Variants in MEGF11 observed in about 807,000 individuals in gnomAD.
MEGF11 encodes multiple epidermal growth factor-like domains protein 11.
A neutral mutation model predicts 146.6 loss-of-function variants in MEGF11; 126 were observed. The ratio of observed to expected loss-of-function variants is 0.86; its 90% confidence interval spans 0.74 to 1.00. The LOEUF is 1.00. MEGF11 is among the 50% of genes least tolerant of loss of function. MEGF11 has a pLI of 0.00. For missense variants in MEGF11, 1,509 were observed against 1,521.2 expected (o/e 0.99, Z 0.13); for synonymous variants, 532 against 583.4 (o/e 0.91, Z 1.27).
chr15:66,106,532 G>A (rs796097504), intron 4 of MEGF11, among the ~76,000 whole-genome samples: 24 of 152,278 alleles, frequency 1.6e-4, no homozygotes, highest in African/African-American at 5.8e-4. Flanking sequence ...CCACAAGGAA[G>A]GTACTATTTC....
chr15:66,083,759 T>A (rs372379996), intron 5 of MEGF11, among the ~76,000 whole-genome samples: 3 of 151,774 alleles, frequency 2.0e-5, no homozygotes, highest in Admixed American at 6.6e-5. Context: ...ACGAAAAAAA[T>A]TTAAAAAATT....
chr15:66,182,056 C>A (rs1356547384), intron 1 of MEGF11, among the ~76,000 whole-genome samples: 1 of 152,198 alleles, frequency 6.6e-6, no homozygotes, highest in African/African-American at 2.4e-5. Flanking sequence ...GGGCGGCCCC[C>A]TCCCTCACAG....
chr15:66,211,146 C>G (rs965435257), intron 1 of MEGF11, among the ~76,000 whole-genome samples: 2 of 152,214 alleles, frequency 1.3e-5, no homozygotes, highest in Non-Finnish European at 2.9e-5. Flanking sequence ...CACCTCCATT[C>G]CCCTGGAGGT....
intron 5 of MEGF11, among the ~76,000 whole-genome samples, chr15:66,077,780 G>C (rs1214772328): frequency 6.6e-6 from 1 of 152,224 alleles, no homozygotes; most frequent in Non-Finnish European, 1.5e-5. Context: ...AGGCCCCTGG[G>C]AATCAGGGAA....
chr15:65,960,144 G>GAAAACGATATAGACATCGAC (rs2080807386), intron 9 of MEGF11, among the ~76,000 whole-genome samples: 1 of 152,182 alleles, frequency 6.6e-6, no homozygotes, highest in South Asian at 2.1e-4. Context: ...TCTAAAATAT[G>GAAAACGATATAGACATCGAC]AAAACGATAT....
chr15:66,006,525 A>C (rs2082525623), intron 5 of MEGF11, among the ~76,000 whole-genome samples: 1 of 152,162 alleles, frequency 6.6e-6, no homozygotes, highest in Non-Finnish European at 1.5e-5. Context: ...TGACTTATAC[A>C]TGGTGGGCCC....
At chr15:66,084,539 C>G (rs1056371386) in intron 5 of MEGF11, among the ~76,000 whole-genome samples, 6 of 152,168 alleles carry the variant, frequency 3.9e-5, no homozygotes, top group African/African-American at 1.2e-4. Flanking sequence ...ACACACCCCC[C>G]CACTGGAGAG....
intron 4 of MEGF11, among the ~76,000 whole-genome samples, chr15:66,110,695 C>T (rs72744427): frequency 0.053 from 8,010 of 152,256 alleles, 313 homozygotes; most frequent in South Asian, 0.15. Context: ...AGAGTGGTGT[C>T]AACACTGTTT....
intron 4 of MEGF11, among the ~76,000 whole-genome samples, chr15:66,107,888 T>C (rs954377743): frequency 2.0e-5 from 3 of 152,198 alleles, no homozygotes; most frequent in Middle Eastern, 3.4e-3. Flanking sequence ...CAGGAGCTCA[T>C]GGCCAGTGAG....
At chr15:66,202,255 CCACACAGGCAGCCA>C (rs2091182431) in intron 1 of MEGF11, among the ~76,000 whole-genome samples, 1 of 152,220 alleles carries the variant, frequency 6.6e-6, no homozygotes, top group East Asian at 1.9e-4. Context: ...CGTACACACA[CCACACAGGCAGCCA>C]CCAGCCATTA....
In MEGF11 at chr15:65,934,731, A is replaced by G. The variant is rs1399270891; in HGVS notation, c.1288-3788T>C. Among the ~76,000 whole-genome samples the G allele has an allele frequency of 5.3e-5, 8 of 152,298 alleles. No individual in the cohort carries two copies. The South Asian group carries it at 6.2e-4, about 12-fold the overall frequency. On this transcript the variant is annotated intron_variant, in intron 10 of 25. Transcript: ENST00000395614. ...TCACCAAAGGCCAGCAATGTAATCA[A>G]TGATTCCCATGTAACGAAGTCTCCA... is the stretch of plus-strand genomic sequence containing the variant.
chr15:66,239,578 A>C (rs2092166330), intron 1 of MEGF11, among the ~76,000 whole-genome samples: 1 of 152,000 alleles, frequency 6.6e-6, no homozygotes, highest in Non-Finnish European at 1.5e-5. Flanking sequence ...CTGGGTGGAG[A>C]GCTAGGCCAC....
intron 5 of MEGF11, among the ~76,000 whole-genome samples, chr15:66,014,020 G>A (rs901458031): frequency 1.3e-5 from 2 of 152,174 alleles, no homozygotes; most frequent in African/African-American, 4.8e-5. Context: ...GTGGTTCTGG[G>A]ACTGTGATCT....
At chr15:66,035,842 A>G (rs1459387305) in intron 5 of MEGF11, among the ~76,000 whole-genome samples, 1 of 152,194 alleles carries the variant, frequency 6.6e-6, no homozygotes, top group Non-Finnish European at 1.5e-5. Context: ...TAACACACAT[A>G]TATATCCACT....
chr15:66,117,623 G>C (rs57645838), intron 4 of MEGF11, among the ~76,000 whole-genome samples: 11,478 of 152,216 alleles, frequency 0.075, 546 homozygotes, highest in South Asian at 0.16. Flanking sequence ...GCTTGCGCGG[G>C]CCGCTTACAT....
chr15:66,048,705 G>T (rs2140335904), intron 5 of MEGF11, among the ~76,000 whole-genome samples: 1 of 152,340 alleles, frequency 6.6e-6, no homozygotes, highest in African/African-American at 2.4e-5. Context: ...GGAGGGAAAG[G>T]CCTGGCCCTC....
At chr15:66,157,304 A>G (rs1050570911) in intron 1 of MEGF11, among the ~76,000 whole-genome samples, 1 of 152,222 alleles carries the variant, frequency 6.6e-6, no homozygotes, top group African/African-American at 2.4e-5. Context: ...CACAGCTAGC[A>G]GGGTGCTATT....
intron 5 of MEGF11, among the ~76,000 whole-genome samples, chr15:66,038,926 G>GGCTT (rs2083835911): frequency 6.6e-6 from 1 of 152,114 alleles, no homozygotes; most frequent in Admixed American, 6.6e-5. Flanking sequence ...GCACCTGTAG[G>GGCTT]GCTTAACAGT....
At chr15:65,950,584 G>GACACACAC (rs57977250) in intron 10 of MEGF11, among the ~76,000 whole-genome samples, 74 of 148,934 alleles carry the variant, frequency 5.0e-4, no homozygotes, top group African/African-American at 1.7e-3. Flanking sequence ...TAGACACACA[G>GACACACAC]ACACACACAC....
Sources: gnomAD v4.1 joint callset for allele counts (sites outside exome capture counted in the v4.1 genomes callset) on GRCh38, gnomAD v4.1.1 for gene constraint, MANE v1.5 for transcripts, NCBI Gene and HGNC (gene_info 2026-07-23, HGNC 2026-07-21) for gene names.